The following EBF2 variants were observed in gnomAD, a reference collection of about 807,000 sequenced individuals.
EBF2 encodes the protein EBF transcription factor 2.
In EBF2, 21 loss-of-function variants were observed where a neutral mutation model predicts 72.8. That is an observed-to-expected ratio of 0.29 (90% CI 0.20 to 0.42). The LOEUF is 0.42. Ranked by LOEUF, EBF2 falls within the 10% of genes least tolerant of loss-of-function variation. The probability of loss-of-function intolerance (pLI) is 1.00; values close to 1 mark genes in which losing one functional copy is unlikely to be tolerated. For synonymous variants in EBF2, 299 were observed against 274.2 expected, an observed-to-expected ratio of 1.09 and a Z score of -0.89; for missense variants, 637 against 731.2, an observed-to-expected ratio of 0.87 and a Z score of 1.49.
chr8:26,003,007 G>C (rs1037763487), intron 6 of EBF2, among the ~76,000 whole-genome samples: 5 of 151,996 alleles, frequency 3.3e-5, no homozygotes, highest in Non-Finnish European at 7.4e-5. Flanking sequence ...CTCATCTGGG[G>C]AAGGTCTCAT....
At position 26,019,377 on chromosome 8, in the gene EBF2, C is replaced by T. The variant is rs372848467; in HGVS notation, c.551+13708G>A. ...AATGTTAGTTTTCTACCAGGGAAAA[C>T]GCTCTGAAGAGACCAAGATATTCCA... On this transcript the variant is annotated intron_variant, in intron 6 of 15. Coordinates refer to ENST00000520164, the MANE Select transcript of EBF2 (RefSeq NM_022659.4). 7.8e-4 allele frequency among the ~76,000 whole-genome samples: 119 copies of T among 152,102 alleles called. 2 individuals are homozygous for T. The South Asian group carries it at 0.02, about 25-fold the overall frequency.
At chr8:25,939,473 C>A (rs1329684395) in intron 6 of EBF2, among the ~76,000 whole-genome samples, 1 of 152,114 alleles carries the variant, frequency 6.6e-6, no homozygotes, top group East Asian at 1.9e-4. Context: ...GTGAGTCAGT[C>A]TGGGTCAGCC....
At chr8:25,859,660 G>A (rs1802172984) in intron 13 of EBF2, among the ~76,000 whole-genome samples, 1 of 151,560 alleles carries the variant, frequency 6.6e-6, no homozygotes, top group Non-Finnish European at 1.5e-5. Flanking sequence ...AAAAGAATTT[G>A]ATATTTGTTC....
At chr8:25,924,888 A>G (rs1803361399) in intron 6 of EBF2, among the ~76,000 whole-genome samples, 1 of 152,242 alleles carries the variant, frequency 6.6e-6, no homozygotes, top group Non-Finnish European at 1.5e-5. Context: ...TAAAGTGCCT[A>G]TATAGCTACA....
chr8:25,966,111 C>T (rs1372896345), intron 6 of EBF2, among the ~76,000 whole-genome samples: 1 of 152,202 alleles, frequency 6.6e-6, no homozygotes, highest in Non-Finnish European at 1.5e-5. Context: ...AACTGCAGGC[C>T]AGGCTGGCTC....
At chr8:25,958,235 C>G (rs1585208053) in intron 6 of EBF2, among the ~76,000 whole-genome samples, 1 of 152,340 alleles carries the variant, frequency 6.6e-6, no homozygotes, top group Non-Finnish European at 1.5e-5. Context: ...ACAGCCCAGT[C>G]TGCTCAGAGC....
At chr8:25,884,386 GGAGA>G (rs1424095290) in intron 10 of EBF2, among the ~76,000 whole-genome samples, 20 of 152,118 alleles carry the variant, frequency 1.3e-4, no homozygotes, top group Admixed American at 1.3e-3. Flanking sequence ...AGAGGAGGAT[GGAGA>G]AAGAAGGAGA....
chr8:25,878,445 A>G (rs1802557574), intron 10 of EBF2, among the ~76,000 whole-genome samples: 2 of 152,196 alleles, frequency 1.3e-5, no homozygotes, highest in Non-Finnish European at 2.9e-5. Context: ...CTGAGGTGGA[A>G]CAGCCCATCA....
intron 6 of EBF2, 132 bp downstream of exon 6, chr8:26,032,952 TG>T (rs1392725582): frequency 7.6e-6 from 6 of 785,766 alleles, no homozygotes; most frequent in Non-Finnish European, 1.3e-5. Context: ...AGGAGGCCTT[TG>T]TTGGATGAGC....
chr8:25,942,037 AG>A (rs1803682620), intron 6 of EBF2, among the ~76,000 whole-genome samples: 1 of 152,206 alleles, frequency 6.6e-6, no homozygotes, highest in South Asian at 2.1e-4. Flanking sequence ...TCCCGTCCTC[AG>A]GGAACTCCCT....
intron 6 of EBF2, among the ~76,000 whole-genome samples, chr8:25,961,400 G>C (rs557889263): frequency 1.9e-4 from 29 of 152,244 alleles, no homozygotes; most frequent in Non-Finnish European, 8.8e-5. Flanking sequence ...GTCTCACTCT[G>C]TCGCCCAGAC....
intron 10 of EBF2, among the ~76,000 whole-genome samples, chr8:25,866,695 G>T (rs1722323016): frequency 6.9e-6 from 1 of 144,190 alleles, no homozygotes; most frequent in African/African-American, 2.6e-5. Context: ...GCAATGGCAT[G>T]ATCTTGGCTC....
chr8:25,858,256 G>A, intron 14 of EBF2, 63 bp downstream of exon 14: 1 of 1,585,740 alleles, frequency 6.3e-7, no homozygotes, highest in Non-Finnish European at 8.7e-7. Context: ...CTCCCAAAAG[G>A]CCCAATAGTA....
chr8:25,905,914 TC>T (rs1803024747), intron 7 of EBF2, among the ~76,000 whole-genome samples: 1 of 152,160 alleles, frequency 6.6e-6, no homozygotes, highest in Non-Finnish European at 1.5e-5. Context: ...AATCAGAGAA[TC>T]CACAAAGTCT....
Position 26,045,194 on chromosome 8 carries a change from A to T in EBF2, c.-335T>A, listed in dbSNP as rs1805683465. The T allele has an allele frequency of 5.6e-6, 1 of 178,208 alleles. No homozygotes were observed. The highest frequency in any genetic ancestry group is 1.8e-4 in the South Asian group (1 of 5,654). 11.0% of individuals were successfully genotyped at this position (178,208 alleles called of 1,614,324 possible). A position where few individuals can be genotyped will look rare whatever the true frequency, so the allele number is the denominator to read the frequency against. ...TAGAAGCATCACCTGTTCTGGGAGA[A>T]ACTGGAGGAAATTGATGGCTGCCTA... On this transcript the variant is annotated 5_prime_UTR_variant, in exon 1 of 16. Coordinates refer to ENST00000520164, the MANE Select transcript of EBF2 (RefSeq NM_022659.4).
At chr8:25,870,224 C>G (rs1033064615) in intron 10 of EBF2, among the ~76,000 whole-genome samples, 1 of 151,984 alleles carries the variant, frequency 6.6e-6, no homozygotes, top group Admixed American at 6.6e-5. Context: ...TGATGAAATT[C>G]TCAAAATTCA....
intron 7 of EBF2, 25 bp downstream of exon 7, chr8:25,908,448 CA>C: frequency 6.5e-7 from 1 of 1,539,564 alleles, no homozygotes; most frequent in Non-Finnish European, 8.9e-7. Flanking sequence ...ACTTATTTAA[CA>C]GGAAAGATCT....
At chr8:25,941,863 A>C (rs1803679455) in intron 6 of EBF2, among the ~76,000 whole-genome samples, 1 of 152,228 alleles carries the variant, frequency 6.6e-6, no homozygotes, top group Non-Finnish European at 1.5e-5. Flanking sequence ...TGCAATGTGG[A>C]TGTTCAAAGG....
At chr8:25,917,165 A>G (rs533149003) in intron 6 of EBF2, among the ~76,000 whole-genome samples, 1 of 149,324 alleles carries the variant, frequency 6.7e-6, no homozygotes, top group South Asian at 2.1e-4. Context: ...CTGGGGTTAG[A>G]TGTTGTGAGG....
Sources: gnomAD v4.1 joint callset for allele counts (sites outside exome capture counted in the v4.1 genomes callset) on GRCh38, gnomAD v4.1.1 for gene constraint, MANE v1.5 for transcripts, NCBI Gene and HGNC (gene_info 2026-07-23, HGNC 2026-07-21) for gene names.